Variants in TMEM154 observed in about 807,000 individuals in gnomAD.
TMEM154 encodes the protein transmembrane protein 154.
Under a neutral mutation model 24.5 loss-of-function variants are expected in TMEM154, and 27 were observed. The ratio of observed to expected loss-of-function variants is 1.10; its 90% CI spans 0.81 to 1.52. The LOEUF (loss-of-function observed/expected upper bound fraction) is 1.52, where lower values mean the gene tolerates loss of function less well. Among genes scored for constraint, TMEM154 ranks in the 40% most tolerant of loss-of-function variants. The pLI, the probability that TMEM154 is intolerant of heterozygous loss-of-function variation, is 0.00. For synonymous variants in TMEM154, 67 were observed against 76.8 expected, an observed-to-expected ratio of 0.87 and a Z score of 0.67; for missense variants, 228 against 213.4, an observed-to-expected ratio of 1.07 and a Z score of -0.43.
chr4:152,634,216 G>C (rs1752105768), intron 6 of TMEM154, among the ~76,000 whole-genome samples: 1 of 152,052 alleles, frequency 6.6e-6, no homozygotes, highest in Non-Finnish European at 1.5e-5. Context: ...GTAATACCTT[G>C]TTTCATAATT....
intron 1 of TMEM154, chr4:152,669,136 A>C (rs1262096992): frequency 6.6e-6 from 1 of 152,236 alleles, no homozygotes; most frequent in African/African-American, 2.4e-5. Context: ...TTACATTCAC[A>C]GATTTTTTAA....
chr4:152,679,301 C>A (rs539892968), intron 1 of TMEM154, among the ~76,000 whole-genome samples: 1 of 150,344 alleles, frequency 6.7e-6, no homozygotes, highest in South Asian at 2.1e-4. Context: ...AGATGAAAGA[C>A]CTTACTTGAT....
chr4:152,670,427 C>G (rs1033162552), intron 1 of TMEM154, among the ~76,000 whole-genome samples: 29 of 152,218 alleles, frequency 1.9e-4, no homozygotes, highest in African/African-American at 6.7e-4. Flanking sequence ...AACACCATCT[C>G]TACTGAAAAT....
rs1751923886 is a variant in TMEM154, at chr4:152,626,493, C to CT, written c.*2052dup. On this transcript the variant is annotated 3_prime_UTR_variant, in exon 7 of 7. Transcript: ENST00000304385. Reference sequence around the variant, plus strand: ...CATATACCCTGACAGAATAAACTATCTTTTTAAAAAGTGCTTTGTACACTG... The same window carrying CT: ...CATATACCCTGACAGAATAAACTATCTTTTTTAAAAAGTGCTTTGTACACTG... 6.6e-6 allele frequency: 1 copy of CT among 152,132 alleles called. No individual in the cohort carries two copies. Among genetic ancestry groups the CT allele is most frequent in the South Asian group, 2.1e-4 (1 of 4,830 alleles). 9.4% of individuals were successfully genotyped at this position (152,132 alleles called of 1,614,324 possible).
intron 1 of TMEM154, among the ~76,000 whole-genome samples, chr4:152,678,554 TG>T (rs1399155597): frequency 7.7e-5 from 4 of 51,748 alleles, no homozygotes; most frequent in South Asian, 6.6e-4. Flanking sequence ...GCAGTGGTGG[TG>T]GGGGGTGGAG....
chr4:152,664,864 A>T (rs1446214656), intron 1 of TMEM154, among the ~76,000 whole-genome samples: 2 of 152,208 alleles, frequency 1.3e-5, no homozygotes, highest in Non-Finnish European at 2.9e-5. Flanking sequence ...GGAGTAACTG[A>T]CATGTTTGAA....
intron 3 of TMEM154, 151 bp downstream of exon 3, chr4:152,652,387 A>C: frequency 2.2e-5 from 25 of 1,124,278 alleles, no homozygotes; most frequent in Non-Finnish European, 2.9e-5. Context: ...AAAGAAAGGA[A>C]TATGCATATA....
intron 1 of TMEM154, among the ~76,000 whole-genome samples, chr4:152,673,270 T>C (rs80245990): frequency 2.0e-5 from 3 of 152,240 alleles, no homozygotes; most frequent in South Asian, 2.1e-4. Flanking sequence ...CTTTTTTTTT[T>C]CCCACCCCGC....
rs1226402140 is a variant in TMEM154, at chr4:152,652,497, TC to T, written c.364+40del. ...TAAAACATCTCTGCTCCTTCTCCAATCCCACCCCCACCTGTAGGCAGGTTTT... is the reference window on the plus strand; with the variant it reads ...TAAAACATCTCTGCTCCTTCTCCAATCCACCCCCACCTGTAGGCAGGTTTT... On this transcript the variant is annotated intron_variant, in intron 3 of 6. Transcript: ENST00000304385. 18 of 1,610,250 alleles carry T rather than the reference TC, an allele frequency of 1.1e-5. No homozygotes were observed. The Middle Eastern group carries it at 1.5e-3, about 133-fold the overall frequency.
At chr4:152,661,282 CTT>C (rs1491182905) in intron 1 of TMEM154, among the ~76,000 whole-genome samples, 12 of 87,614 alleles carry the variant, frequency 1.4e-4, no homozygotes, top group South Asian at 3.9e-4. Flanking sequence ...GGATTGTTCT[CTT>C]TCTCTCTCTC....
Position 152,624,447 on chromosome 4 carries a change from A to G in TMEM154, c.*4099T>C, listed in dbSNP as rs1751885401. On this transcript the variant is annotated 3_prime_UTR_variant, in exon 7 of 7. Transcript: ENST00000304385. ...AAACCCTATCTGTACAAAAGATACA[A>G]AAAATTAGCCAGTCCTAGTAGTGCA... is the stretch of plus-strand genomic sequence containing the variant. 2 of 152,062 alleles carry G rather than the reference A, an allele frequency of 1.3e-5. No homozygotes were observed. Among genetic ancestry groups the G allele is most frequent in the African/African-American group, 4.8e-5 (2 of 41,374 alleles). 9.4% of individuals were successfully genotyped at this position (152,062 alleles called of 1,614,324 possible).
At chr4:152,631,212 A>G (rs1168761427) in intron 6 of TMEM154, among the ~76,000 whole-genome samples, 2 of 152,074 alleles carry the variant, frequency 1.3e-5, no homozygotes, top group African/African-American at 4.8e-5. Context: ...TTCTTCCAAC[A>G]CTACTCTTTA....
At chr4:152,679,730 G>T in intron 1 of TMEM154, 140 bp downstream of exon 1, 1 of 1,270,144 alleles carries the variant, frequency 7.9e-7, no homozygotes, top group Non-Finnish European at 1.1e-6. Context: ...AAAAAAAGGA[G>T]TTCTAATTTT....
At chr4:152,652,499 C>T (rs1320228902) in intron 3 of TMEM154, 39 bp downstream of exon 3, 4 of 1,609,870 alleles carry the variant, frequency 2.5e-6, no homozygotes, top group Non-Finnish European at 3.4e-6. Context: ...TTCTCCAATC[C>T]CACCCCCACC....
chr4:152,663,158 A>G (rs1332560986), intron 1 of TMEM154, among the ~76,000 whole-genome samples: 1 of 152,144 alleles, frequency 6.6e-6, no homozygotes, highest in African/African-American at 2.4e-5. Flanking sequence ...CGGGCCAGGT[A>G]TTTGTGTCTT....
At chr4:152,679,835 C>T (rs1299702604) in intron 1 of TMEM154, 35 bp downstream of exon 1, 1 of 1,590,484 alleles carries the variant, frequency 6.3e-7, no homozygotes, top group Non-Finnish European at 8.6e-7. Context: ...TTTTGCGATC[C>T]TCCTTCCCAG....
chr4:152,679,963 G>A lies in TMEM154; in HGVS notation c.-30C>T. On this transcript the variant is annotated 5_prime_UTR_variant, in exon 1 of 7. Coordinates refer to ENST00000304385, the MANE Select transcript of TMEM154 (RefSeq NM_152680.3). The stretch of plus-strand genomic sequence containing the variant: ...GCTCGCCTCGGCAGAGGCGCGCTCA[G>A]GATGCTGCGCCGGGCTGCAGCCTCT... 1 of 1,588,898 alleles carries A rather than the reference G, an allele frequency of 6.3e-7. No homozygotes were observed. Among genetic ancestry groups the A allele is most frequent in the South Asian group, 1.1e-5 (1 of 87,892 alleles).
intron 1 of TMEM154, among the ~76,000 whole-genome samples, chr4:152,671,762 A>AAAG (rs1728844400): frequency 6.7e-6 from 1 of 149,932 alleles, no homozygotes; most frequent in African/African-American, 2.4e-5. Context: ...AAAAAAAAAA[A>AAAG]AAAAAAGAAA....
At chr4:152,661,111 C>T (rs774420769) in intron 1 of TMEM154, among the ~76,000 whole-genome samples, 1 of 152,090 alleles carries the variant, frequency 6.6e-6, no homozygotes, top group Admixed American at 6.5e-5. Context: ...CGTGAGACAA[C>T]GCTGTTCACA....
Sources: gnomAD v4.1 joint callset for allele counts (sites outside exome capture counted in the v4.1 genomes callset) on GRCh38, gnomAD v4.1.1 for gene constraint, MANE v1.5 for transcripts, NCBI Gene and HGNC (gene_info 2026-07-23, HGNC 2026-07-21) for gene names.